The following KCTD8 variants were observed in gnomAD, a reference collection of about 807,000 sequenced individuals.
The protein encoded by KCTD8 is BTB/POZ domain-containing protein KCTD8.
Under a neutral mutation model 31.5 loss-of-function variants are expected in KCTD8, and 27 were observed. The observed-to-expected ratio is 0.86, with a 90% CI of 0.63 to 1.18. The LOEUF (loss-of-function observed/expected upper bound fraction) is 1.18. Ranked by LOEUF, KCTD8 falls within the 50% of genes most tolerant of loss-of-function variation. The pLI is 0.00. For missense variants in KCTD8, 658 were observed against 647.7 expected (o/e 1.02, Z -0.17); for synonymous variants, 290 against 280.0 (o/e 1.04, Z -0.36).
chr4:44,381,795 G>A (rs1324985248), intron 1 of KCTD8, among the ~76,000 whole-genome samples: 8 of 151,920 alleles, frequency 5.3e-5, no homozygotes, highest in Admixed American at 3.9e-4. Context: ...GCCATATGAT[G>A]CACTGGCTTC....
intron 1 of KCTD8, among the ~76,000 whole-genome samples, chr4:44,250,759 T>G (rs1202490938): frequency 6.6e-6 from 1 of 151,838 alleles, no homozygotes; most frequent in East Asian, 1.9e-4. Flanking sequence ...TTAATTGTGC[T>G]TTTTGTTCTT....
At chr4:44,289,297 A>G (rs796481638) in intron 1 of KCTD8, among the ~76,000 whole-genome samples, 11 of 151,960 alleles carry the variant, frequency 7.2e-5, no homozygotes, top group African/African-American at 2.6e-4. Flanking sequence ...AAAATCTCAC[A>G]ATATATTCAA....
At position 44,174,373 on chromosome 4, in the gene KCTD8, T is replaced by C. The variant is rs1713133747; in HGVS notation, c.*417A>G. On this transcript the variant is annotated 3_prime_UTR_variant, in exon 2 of 2. Coordinates refer to ENST00000360029, the MANE Select transcript of KCTD8 (RefSeq NM_198353.3). The stretch of plus-strand genomic sequence containing the variant: ...TAGACAGCTTTAGATTTGGGTCCTA[T>C]AGCCATCGTCTAAAATTTTACTTGA... 6.4e-6 allele frequency: 1 copy of C among 156,316 alleles called. No individual in the cohort carries two copies. 9.7% of individuals were successfully genotyped at this position (156,316 alleles called of 1,614,324 possible). A position where few individuals can be genotyped will look rare whatever the true frequency, so the allele number is the denominator to read the frequency against.
At position 44,208,465 on chromosome 4, in the gene KCTD8, G is replaced by A. The variant is rs368940269; in HGVS notation, c.962-33215C>T. ...ACCTCCATCTCTTATCACTACTTCC[G>A]TAACACGAAGCATTTCCTAATTAGG... On this transcript the variant is annotated intron_variant, in intron 1 of 1. Coordinates refer to ENST00000360029, the MANE Select transcript of KCTD8 (RefSeq NM_198353.3). Among the ~76,000 whole-genome samples the A allele has an allele frequency of 9.2e-5, 14 of 152,150 alleles. No homozygotes were observed. The South Asian group carries it at 1.9e-3, about 20-fold the overall frequency.
chr4:44,397,398 G>C (rs1449283761), intron 1 of KCTD8, among the ~76,000 whole-genome samples: 2 of 152,078 alleles, frequency 1.3e-5, no homozygotes, highest in Admixed American at 1.3e-4. Flanking sequence ...TATATATGTA[G>C]ATATAGGTAG....
chr4:44,223,569 C>A (rs1441706682), intron 1 of KCTD8, among the ~76,000 whole-genome samples: 2 of 152,194 alleles, frequency 1.3e-5, no homozygotes, highest in African/African-American at 4.8e-5. Flanking sequence ...TATTTACTAT[C>A]TTTTCAATAA....
At chr4:44,273,346 G>A (rs549489949) in intron 1 of KCTD8, among the ~76,000 whole-genome samples, 13 of 152,032 alleles carry the variant, frequency 8.6e-5, no homozygotes, top group African/African-American at 3.1e-4. Context: ...ATGCATATGT[G>A]TACGTATGTC....
At chr4:44,179,002 T>C (rs922703695) in intron 1 of KCTD8, among the ~76,000 whole-genome samples, 2 of 152,148 alleles carry the variant, frequency 1.3e-5, no homozygotes, top group African/African-American at 2.4e-5. Context: ...ATGAAGTTCA[T>C]AGGCTTTCTC....
intron 1 of KCTD8, among the ~76,000 whole-genome samples, chr4:44,345,269 C>G (rs1360789013): frequency 6.6e-6 from 1 of 151,822 alleles, no homozygotes; most frequent in Non-Finnish European, 1.5e-5. Flanking sequence ...ATAAACTGTT[C>G]TAATGAATAA....
chr4:44,179,617 G>A (rs1209614936), intron 1 of KCTD8, among the ~76,000 whole-genome samples: 7 of 151,214 alleles, frequency 4.6e-5, no homozygotes, highest in Non-Finnish European at 1.0e-4. Context: ...AAACAGATTC[G>A]GAGGTTTATA....
chr4:44,310,093 G>A (rs536610142), intron 1 of KCTD8, among the ~76,000 whole-genome samples: 1 of 152,022 alleles, frequency 6.6e-6, no homozygotes, highest in African/African-American at 2.4e-5. Flanking sequence ...CAATTGAGAA[G>A]AAATATAACC....
chr4:44,303,240 AGT>A (rs1717686309), intron 1 of KCTD8, among the ~76,000 whole-genome samples: 1 of 152,086 alleles, frequency 6.6e-6, no homozygotes, highest in African/African-American at 2.4e-5. Context: ...TCATAAAATG[AGT>A]TAGGGAGGAT....
At chr4:44,213,831 T>C (rs1309420147) in intron 1 of KCTD8, among the ~76,000 whole-genome samples, 1 of 152,124 alleles carries the variant, frequency 6.6e-6, no homozygotes, top group East Asian at 1.9e-4. Flanking sequence ...CTCCTTAAAG[T>C]GTGGCATACT....
intron 1 of KCTD8, among the ~76,000 whole-genome samples, chr4:44,311,006 T>C (rs1211703397): frequency 7.1e-6 from 1 of 140,694 alleles, no homozygotes; most frequent in Non-Finnish European, 1.6e-5. Context: ...CTCTTCTTTG[T>C]ATTTTTTTTT....
chr4:44,423,695 T>C (rs1721277862), intron 1 of KCTD8, among the ~76,000 whole-genome samples: 1 of 152,100 alleles, frequency 6.6e-6, no homozygotes, highest in African/African-American at 2.4e-5. Flanking sequence ...TATTGTTTAC[T>C]TGAAGAGTAA....
At chr4:44,183,490 A>C (rs1713488915) in intron 1 of KCTD8, among the ~76,000 whole-genome samples, 2 of 152,320 alleles carry the variant, frequency 1.3e-5, no homozygotes, top group South Asian at 4.1e-4. Context: ...CCAAACTTGT[A>C]AAACTCAGCA....
rs540438958 is a variant in KCTD8, at chr4:44,381,326, A to G, written c.961+66237T>C. The stretch of plus-strand genomic sequence containing the variant: ...CAGCAAAACTGTAAAATTAACACAC[A>G]AAAGTCACTCGTATATCTACATACA... On this transcript the variant is annotated intron_variant, in intron 1 of 1. Transcript: ENST00000360029. 1.5e-3 allele frequency among the ~76,000 whole-genome samples: 225 copies of G among 152,232 alleles called. 2 individuals carry two copies. Among genetic ancestry groups the G allele is most frequent in the Non-Finnish European group, 2.7e-3 (181 of 68,000 alleles).
intron 1 of KCTD8, among the ~76,000 whole-genome samples, chr4:44,331,728 GT>G (rs1718594513): frequency 6.7e-6 from 1 of 148,266 alleles, no homozygotes; most frequent in Admixed American, 6.8e-5. Flanking sequence ...CATATATATA[GT>G]TTTATATATA....
chr4:44,407,963 C>T (rs6812769), intron 1 of KCTD8, among the ~76,000 whole-genome samples: 3,246 of 152,230 alleles, frequency 0.021, 76 homozygotes, highest in African/African-American at 0.05. Flanking sequence ...TTCTTACTGC[C>T]TATTGCATTT....
Sources: allele counts gnomAD v4.1 joint callset (sites outside exome capture counted in the v4.1 genomes callset), GRCh38; gene constraint gnomAD v4.1.1; transcripts MANE v1.5; gene names NCBI Gene and HGNC (gene_info 2026-07-23, HGNC 2026-07-21).